The following UVRAG variants were observed in gnomAD, a reference collection of about 807,000 sequenced individuals.
The protein encoded by UVRAG is UV radiation resistance-associated gene protein.
In UVRAG, 19 loss-of-function variants were observed where a neutral mutation model predicts 78.0. The ratio of observed to expected loss-of-function variants is 0.24; its 90% CI spans 0.17 to 0.36. The LOEUF is 0.36. Among genes scored for constraint, UVRAG ranks in the 10% least tolerant of loss-of-function variants. The probability of loss-of-function intolerance (pLI) is 1.00; values close to 1 mark genes in which losing one functional copy is unlikely to be tolerated. For synonymous variants in UVRAG, 323 were observed against 324.6 expected (o/e 1.00, Z 0.05); for missense variants, 740 against 853.8 (o/e 0.87, Z 1.66).
At chr11:76,136,094 ACCT>A (rs1952593245) in intron 14 of UVRAG, among the ~76,000 whole-genome samples, 3 of 151,676 alleles carry the variant, frequency 2.0e-5, no homozygotes, top group Non-Finnish European at 1.5e-5. Flanking sequence ...GAATCTTGAA[ACCT>A]CCTGAATATT....
chr11:75,917,423 T>C (rs1277274960), intron 6 of UVRAG, among the ~76,000 whole-genome samples: 3 of 152,234 alleles, frequency 2.0e-5, no homozygotes, highest in African/African-American at 7.2e-5. Context: ...CCAATACTTC[T>C]TGGTTAATTG....
intron 1 of UVRAG, among the ~76,000 whole-genome samples, chr11:75,834,131 A>G (rs1291610464): frequency 1.3e-5 from 2 of 152,152 alleles, no homozygotes; most frequent in African/African-American, 4.8e-5. Context: ...TTCCTCCTCC[A>G]GTTCAGGATA....
intron 12 of UVRAG, among the ~76,000 whole-genome samples, chr11:76,025,865 A>G (rs998200363): frequency 2.0e-5 from 3 of 152,104 alleles, no homozygotes; most frequent in African/African-American, 7.2e-5. Context: ...ATGTATAAAG[A>G]GGTTGGCCAA....
At chr11:76,131,250 A>G (rs1343159536) in intron 14 of UVRAG, among the ~76,000 whole-genome samples, 1 of 152,196 alleles carries the variant, frequency 6.6e-6, no homozygotes, top group Non-Finnish European at 1.5e-5. Context: ...GACCCCTCCC[A>G]GGACCTCTCT....
intron 13 of UVRAG, among the ~76,000 whole-genome samples, chr11:76,099,482 T>C (rs949319123): frequency 1.3e-5 from 2 of 152,176 alleles, no homozygotes; most frequent in Non-Finnish European, 2.9e-5. Context: ...GACTAAACTT[T>C]GGAATAAGTG....
At chr11:75,999,925 A>G (rs1036646712) in intron 8 of UVRAG, among the ~76,000 whole-genome samples, 17 of 152,164 alleles carry the variant, frequency 1.1e-4, no homozygotes, top group Non-Finnish European at 2.5e-4. Context: ...AACACTTCCC[A>G]TCCCAAGCAT....
chr11:76,118,092 A>G (rs1341067411), intron 14 of UVRAG, among the ~76,000 whole-genome samples: 1 of 152,198 alleles, frequency 6.6e-6, no homozygotes, highest in Non-Finnish European at 1.5e-5. Flanking sequence ...TTGCTTTTTT[A>G]AAACATACCT....
intron 3 of UVRAG, among the ~76,000 whole-genome samples, chr11:75,863,035 CT>C (rs1427304063): frequency 6.6e-6 from 1 of 152,224 alleles, no homozygotes; most frequent in Non-Finnish European, 1.5e-5. Context: ...GTTCCAACAA[CT>C]TTTGCAGAGT....
chr11:75,820,063 A>G (rs1301487150), intron 1 of UVRAG, among the ~76,000 whole-genome samples: 2 of 152,080 alleles, frequency 1.3e-5, no homozygotes, highest in African/African-American at 2.4e-5. Flanking sequence ...TGAGGCCTCA[A>G]CCTCCTGGGA....
chr11:76,020,549 G>T (rs1168797366), intron 12 of UVRAG, among the ~76,000 whole-genome samples: 1 of 151,882 alleles, frequency 6.6e-6, no homozygotes, highest in Admixed American at 6.6e-5. Context: ...CCTGGAATGG[G>T]GGCCTCATGA....
rs986273174 is a variant in UVRAG, at chr11:75,818,885, G to C, written c.117+3361G>C. 2.6e-5 allele frequency among the ~76,000 whole-genome samples: 4 copies of C among 152,206 alleles called. No individual in the cohort carries two copies. In the South Asian group the frequency reaches 8.3e-4, roughly 32 times the overall value. ...GGCTCCCAACCTTCTTCTAAGATGG[G>C]GTTTGTCAACCTTGGGACTGTTGAC... On this transcript the variant is annotated intron_variant, in intron 1 of 14. Transcript: ENST00000356136.
chr11:75,876,852 TTTTA>T (rs1946793573), intron 3 of UVRAG, among the ~76,000 whole-genome samples: 2 of 151,964 alleles, frequency 1.3e-5, no homozygotes. Flanking sequence ...ATTTTTTATT[TTTTA>T]TTTTTATTTT....
intron 14 of UVRAG, among the ~76,000 whole-genome samples, chr11:76,120,762 G>A (rs1381943321): frequency 6.6e-6 from 1 of 152,182 alleles, no homozygotes; most frequent in Non-Finnish European, 1.5e-5. Context: ...AAGCCAGGCT[G>A]GAAGTCACAA....
chr11:76,050,566 C>T (rs1305195526), intron 12 of UVRAG, among the ~76,000 whole-genome samples: 1 of 152,086 alleles, frequency 6.6e-6, no homozygotes, highest in Admixed American at 6.5e-5. Flanking sequence ...CATAAGAATA[C>T]TTTTTGATTT....
At chr11:76,071,110 A>G (rs906479382) in intron 13 of UVRAG, among the ~76,000 whole-genome samples, 10 of 152,216 alleles carry the variant, frequency 6.6e-5, no homozygotes, top group African/African-American at 2.4e-4. Flanking sequence ...GGGAAGAGAC[A>G]TACAATAAAC....
chr11:76,133,877 T>C (rs1952555042), intron 14 of UVRAG, among the ~76,000 whole-genome samples: 1 of 151,886 alleles, frequency 6.6e-6, no homozygotes, highest in Non-Finnish European at 1.5e-5. Context: ...GTGTTTCACA[T>C]TGAACAGATT....
chr11:75,840,417 G>A lies in UVRAG; in HGVS notation c.118-11466G>A, dbSNP rs550982414. Among the ~76,000 whole-genome samples, 16 of 152,184 alleles carry A rather than the reference G, an allele frequency of 1.1e-4. No homozygotes were observed. In the South Asian group the frequency reaches 3.3e-3, roughly 32 times the overall value. On this transcript the variant is annotated intron_variant, in intron 1 of 14. Coordinates refer to ENST00000356136, the MANE Select transcript of UVRAG (RefSeq NM_003369.4). ...CACTACCTGGCAGAAGAATGGGGCGGGGGAAGGCAAGTTTTGGGGCCTTTC... is the reference window on the plus strand; with the variant it reads ...CACTACCTGGCAGAAGAATGGGGCGAGGGAAGGCAAGTTTTGGGGCCTTTC...
chr11:76,118,292 C>A (rs770307524), intron 14 of UVRAG, among the ~76,000 whole-genome samples: 19 of 152,070 alleles, frequency 1.2e-4, no homozygotes, highest in Non-Finnish European at 2.5e-4. Context: ...ACATTAGTTA[C>A]AATAGTTTGT....
chr11:75,831,677 T>C (rs998552127), intron 1 of UVRAG, among the ~76,000 whole-genome samples: 1 of 152,114 alleles, frequency 6.6e-6, no homozygotes, highest in Non-Finnish European at 1.5e-5. Context: ...TGGCAGATAA[T>C]TGAGGCCAGA....
Sources: gnomAD v4.1 joint callset for allele counts (sites outside exome capture counted in the v4.1 genomes callset) on GRCh38, gnomAD v4.1.1 for gene constraint, MANE v1.5 for transcripts, NCBI Gene and HGNC (gene_info 2026-07-23, HGNC 2026-07-21) for gene names.